Variants in ALPK2 observed in about 807,000 individuals in gnomAD.
ALPK2 encodes alpha kinase 2.
ALPK2 carries 127 observed loss-of-function variants against 163.1 expected under a neutral mutation model. The observed-to-expected ratio is 0.78, with a 90% CI of 0.67 to 0.90. The LOEUF is 0.90. ALPK2 is among the 40% of genes least tolerant of loss of function. ALPK2 has a pLI of 0.00. For synonymous variants in ALPK2, 953 were observed against 959.1 expected, an observed-to-expected ratio of 0.99 and a Z score of 0.12; for missense variants, 2,360 against 2,589.6, an observed-to-expected ratio of 0.91 and a Z score of 1.92.
chr18:58,591,538 C>T (rs1797819417), intron 3 of ALPK2, among the ~76,000 whole-genome samples: 1 of 152,090 alleles, frequency 6.6e-6, no homozygotes, highest in Non-Finnish European at 1.5e-5. Flanking sequence ...GTGTTGGGGG[C>T]ATGCAAGATA....
intron 11 of ALPK2, among the ~76,000 whole-genome samples, chr18:58,499,425 C>G (rs950078959): frequency 1.3e-5 from 2 of 152,196 alleles, no homozygotes; most frequent in African/African-American, 4.8e-5. Flanking sequence ...ACTCTACCCC[C>G]AGTCTCAGCC....
At position 58,536,416 on chromosome 18, in the gene ALPK2, A is replaced by G; in HGVS notation, c.3771T>C (p.Ser1257=). 6.2e-7 allele frequency: 1 copy of G among 1,614,196 alleles called. No individual in the cohort carries two copies. Among genetic ancestry groups the G allele is most frequent in the South Asian group, 1.1e-5 (1 of 91,076 alleles). ...EIWPPRQLTN[S]ESKASDGGLI... is the part of the protein sequence containing the mutation. ...GACCACCGTCTGATGCCTTGCTCTC[A>G]GAATTTGTCAGTTGTCGTGGTGGCC... Residue 1257 remains serine (S), a synonymous_variant, in exon 5 of 13, where the codon TCT becomes TCC. Transcript: ENST00000361673.
chr18:58,607,228 T>C, intron 3 of ALPK2, 94 bp downstream of exon 3: 1 of 822,836 alleles, frequency 1.2e-6, no homozygotes, highest in Non-Finnish European at 1.8e-6. Flanking sequence ...TAGAAGCAAA[T>C]ATGAGCCAAT....
intron 3 of ALPK2, among the ~76,000 whole-genome samples, chr18:58,584,476 C>T (rs527385880): frequency 5.3e-4 from 80 of 152,290 alleles, no homozygotes; most frequent in African/African-American, 1.7e-3. Flanking sequence ...AGCCTTCTGC[C>T]CTGGCTGCCT....
intron 12 of ALPK2, among the ~76,000 whole-genome samples, chr18:58,491,524 A>G (rs1444687878): frequency 6.6e-6 from 1 of 152,158 alleles, no homozygotes; most frequent in Non-Finnish European, 1.5e-5. Context: ...TCCCAGATCA[A>G]TAAACTGGCT....
At chr18:58,516,118 CT>C (rs1158819738) in intron 9 of ALPK2, among the ~76,000 whole-genome samples, 3 of 151,770 alleles carry the variant, frequency 2.0e-5, no homozygotes, top group Admixed American at 6.6e-5. Context: ...ACTTGGGAGG[CT>C]GAGGCAGGAG....
intron 3 of ALPK2, among the ~76,000 whole-genome samples, chr18:58,604,941 A>G (rs1021811749): frequency 6.6e-6 from 1 of 152,188 alleles, no homozygotes. Context: ...CCATTCATTT[A>G]TACCCTCATC....
Position 58,537,935 on chromosome 18 carries a change from A to T in ALPK2, c.2252T>A (p.Met751Lys). 1.1e-5 allele frequency: 17 copies of T among 1,614,244 alleles called. No individual in the cohort carries two copies. The highest frequency in any genetic ancestry group is 1.4e-5 in the Non-Finnish European group (17 of 1,180,038). ...ATGCCTTGAGAACACACCTGGGGAC[A>T]TAGTCTCATCATTGGCTTCTGAGAT... is the stretch of plus-strand genomic sequence containing the variant. The part of the protein sequence containing the change: ...QSISEANDET[M>K]SPGVFSRHLP... The change falls in exon 5 of 13, where the codon ATG becomes AAG. Residue 751 changes from methionine to lysine, a missense_variant. Transcript: ENST00000361673.
intron 4 of ALPK2, among the ~76,000 whole-genome samples, chr18:58,546,702 A>C (rs1294239786): frequency 6.6e-6 from 1 of 152,162 alleles, no homozygotes; most frequent in Non-Finnish European, 1.5e-5. Flanking sequence ...TGTAATGGCA[A>C]ACTCATGTGA....
intron 2 of ALPK2, 87 bp downstream of exon 2, chr18:58,611,602 T>C (rs2052131722): frequency 5.1e-6 from 6 of 1,166,378 alleles, no homozygotes; most frequent in South Asian, 4.1e-5. Flanking sequence ...TTTTCCCAAA[T>C]GATGTTTTAG....
Position 58,481,779 on chromosome 18 carries a change from G to T in ALPK2, c.*44C>A. 1.3e-6 allele frequency: 2 copies of T among 1,507,662 alleles called. No individual in the cohort carries two copies. The highest frequency in any genetic ancestry group is 1.1e-5 in the South Asian group (1 of 88,058). The allele number at this position is 1,507,662 out of a possible 1,614,324, so 93.4% of individuals were successfully genotyped here. ...TGTGGCCTCAGATTTTCCCTGGCGA[G>T]ATTGTGTGCTGCTAGCCAGTGGCCA... On this transcript the variant is annotated 3_prime_UTR_variant, in exon 13 of 13. Coordinates refer to ENST00000361673, the MANE Select transcript of ALPK2 (RefSeq NM_052947.4).
intron 4 of ALPK2, among the ~76,000 whole-genome samples, chr18:58,554,978 TG>T (rs1485466499): frequency 6.6e-6 from 1 of 152,226 alleles, no homozygotes; most frequent in African/African-American, 2.4e-5. Context: ...ATGTAACATA[TG>T]GCTTTGCTCC....
chr18:58,625,477 G>A (rs115427499), intron 1 of ALPK2, among the ~76,000 whole-genome samples: 4,022 of 152,322 alleles, frequency 0.026, 146 homozygotes, highest in African/African-American at 0.09. Context: ...CCTGGGCCAC[G>A]CCATCAGCAT....
At chr18:58,559,132 G>A (rs992759162) in intron 4 of ALPK2, among the ~76,000 whole-genome samples, 1 of 152,176 alleles carries the variant, frequency 6.6e-6, no homozygotes, top group Non-Finnish European at 1.5e-5. Flanking sequence ...ATTAGTGATG[G>A]TATATAATCT....
rs754110130 is a variant in ALPK2, at chr18:58,529,251, T to C, written c.5354-13A>G. 1.2e-6 allele frequency: 2 copies of C among 1,606,786 alleles called. No individual in the cohort carries two copies. The highest frequency in any genetic ancestry group is 1.7e-6 in the Non-Finnish European group (2 of 1,176,208). On this transcript the variant is annotated splice_polypyrimidine_tract_variant and intron_variant, in intron 5 of 12. Transcript: ENST00000361673. ...AGTAATACTGGAGCTAGAAACAAGA[T>C]ATTTGAAGGTCAGTGTAACAAAAGA...
In ALPK2 at chr18:58,611,767, G is replaced by A; in HGVS notation, c.31C>T (p.Pro11Ser). 1 of 1,605,606 alleles carries A rather than the reference G, an allele frequency of 6.2e-7. No individual in the cohort carries two copies. Among genetic ancestry groups the A allele is most frequent in the Admixed American group, 1.8e-5 (1 of 56,962 alleles). Residue 11 changes from proline (P) to serine (S), a missense_variant, in exon 2 of 13, where the codon CCG (proline) becomes TCG (serine). Pro to Ser is a moderately conservative substitution (Grantham distance 74). Coordinates refer to ENST00000361673, the MANE Select transcript of ALPK2 (RefSeq NM_052947.4). MKDSEGPQRP[P>S]LCFLSTLLSQ... ...AGCAATGTAGATAAAAAACACAGCGGGGGCCTCTGGGGCCCTTCGGAGTCT... is the reference window on the plus strand; with the variant it reads ...AGCAATGTAGATAAAAAACACAGCGAGGGCCTCTGGGGCCCTTCGGAGTCT...
chr18:58,491,465 G>C (rs1187827618), intron 12 of ALPK2, among the ~76,000 whole-genome samples: 2 of 152,134 alleles, frequency 1.3e-5, no homozygotes, highest in Non-Finnish European at 2.9e-5. Context: ...CCTAAGCCTG[G>C]TGCTTGAGAT....
chr18:58,538,659 C>A (rs1271866739), intron 4 of ALPK2: 3 of 162,930 alleles, frequency 1.8e-5, no homozygotes, highest in African/African-American at 7.2e-5. Context: ...AATCTTTGTC[C>A]CCAAAATATA....
chr18:58,528,624 A>ATT (rs1384644464), intron 6 of ALPK2: 1 of 165,024 alleles, frequency 6.1e-6, no homozygotes, highest in East Asian at 1.8e-4. Flanking sequence ...AATAGCTGTT[A>ATT]CTTTTCTGTA....
Sources: allele counts gnomAD v4.1 joint callset (sites outside exome capture counted in the v4.1 genomes callset), GRCh38; gene constraint gnomAD v4.1.1; transcripts MANE v1.5; gene names NCBI Gene and HGNC (gene_info 2026-07-23, HGNC 2026-07-21).